The following FHIT variants were observed in gnomAD, a reference collection of about 807,000 sequenced individuals.
FHIT encodes the protein bis(5'-adenosyl)-triphosphatase.
A neutral mutation model predicts 17.9 loss-of-function variants in FHIT; 19 were observed. The observed-to-expected ratio is 1.06, with a 90% CI of 0.74 to 1.56. The LOEUF (loss-of-function observed/expected upper bound fraction) is 1.56, where lower values mean the gene tolerates loss of function less well. Ranked by LOEUF, FHIT falls within the 40% of genes most tolerant of loss-of-function variation. The pLI, the probability that FHIT is intolerant of heterozygous loss-of-function variation, is 0.00. For missense variants in FHIT, 248 were observed against 189.2 expected, an observed-to-expected ratio of 1.31 and a Z score of -1.82; for synonymous variants, 81 against 69.7, an observed-to-expected ratio of 1.16 and a Z score of -0.81.
intron 7 of FHIT, among the ~76,000 whole-genome samples, chr3:59,937,521 A>G (rs941577867): frequency 2.0e-5 from 3 of 152,158 alleles, no homozygotes; most frequent in African/African-American, 7.2e-5. Context: ...AGTGTGAATA[A>G]ATATCTCTGG....
At chr3:60,781,674 A>C (rs2108096681) in intron 4 of FHIT, among the ~76,000 whole-genome samples, 1 of 152,286 alleles carries the variant, frequency 6.6e-6, no homozygotes, top group East Asian at 1.9e-4. Context: ...TATTGTGAAA[A>C]TATCACAATA....
chr3:61,155,789 A>G (rs1000151183), intron 2 of FHIT, among the ~76,000 whole-genome samples: 2 of 152,202 alleles, frequency 1.3e-5, no homozygotes, highest in African/African-American at 4.8e-5. Context: ...TAAAAGAGAC[A>G]TAAGAGAAAT....
At chr3:59,769,731 ATTTTT>A (rs11352722) in intron 8 of FHIT, among the ~76,000 whole-genome samples, 1 of 129,812 alleles carries the variant, frequency 7.7e-6, no homozygotes, top group South Asian at 2.5e-4. Flanking sequence ...ACTAGTTTTG[ATTTTT>A]TTTTTTTTTT....
chr3:60,545,748 T>C (rs894718800), intron 4 of FHIT, among the ~76,000 whole-genome samples: 1 of 152,238 alleles, frequency 6.6e-6, no homozygotes, highest in African/African-American at 2.4e-5. Context: ...TGAGGCTTCC[T>C]GACTCATTGA....
chr3:60,332,414 C>T (rs977970493), intron 5 of FHIT, among the ~76,000 whole-genome samples: 1 of 152,272 alleles, frequency 6.6e-6, no homozygotes, highest in African/African-American at 2.4e-5. Context: ...GAGGAAAATT[C>T]GAGCAGACAG....
At chr3:60,271,800 C>A (rs189028533) in intron 5 of FHIT, among the ~76,000 whole-genome samples, 2 of 152,304 alleles carry the variant, frequency 1.3e-5, no homozygotes, top group East Asian at 3.9e-4. Context: ...ATGCCTGGCA[C>A]AGAGCTAATA....
At position 60,439,655 on chromosome 3, in the gene FHIT, G is replaced by T. The variant is rs115051067; in HGVS notation, c.103+97205C>A. 5.4e-3 allele frequency among the ~76,000 whole-genome samples: 815 copies of T among 152,184 alleles called. 9 individuals carry two copies. Among genetic ancestry groups the T allele is most frequent in the African/African-American group, 0.019 (784 of 41,536 alleles). On this transcript the variant is annotated intron_variant, in intron 5 of 9. Coordinates refer to ENST00000492590, the MANE Select transcript of FHIT (RefSeq NM_002012.4). The stretch of plus-strand genomic sequence containing the variant: ...ATACCAGAACAGCAGCCTGGGAAAA[G>T]AGCAAGTAACACTCACTTCTCTCTG...
intron 4 of FHIT, among the ~76,000 whole-genome samples, chr3:60,691,005 G>A (rs1425167189): frequency 6.6e-6 from 1 of 152,076 alleles, no homozygotes; most frequent in African/African-American, 2.4e-5. Flanking sequence ...TTGTTTGCCT[G>A]TGTGTGTGAA....
At chr3:60,688,735 G>A (rs2040918128) in intron 4 of FHIT, among the ~76,000 whole-genome samples, 1 of 151,950 alleles carries the variant, frequency 6.6e-6, no homozygotes, top group Non-Finnish European at 1.5e-5. Context: ...TCCGGCCATG[G>A]TCAAATTATC....
At chr3:60,190,192 G>T (rs1057063931) in intron 5 of FHIT, among the ~76,000 whole-genome samples, 1 of 152,134 alleles carries the variant, frequency 6.6e-6, no homozygotes, top group Non-Finnish European at 1.5e-5. Context: ...ATTGACTGAT[G>T]ACATCACAGA....
At chr3:60,771,346 C>T (rs1700034078) in intron 4 of FHIT, among the ~76,000 whole-genome samples, 1 of 152,196 alleles carries the variant, frequency 6.6e-6, no homozygotes, top group African/African-American at 2.4e-5. Flanking sequence ...TTGAGTTACA[C>T]TTTGCATATC....
At chr3:60,521,931 T>C (rs1245613327) in intron 5 of FHIT, among the ~76,000 whole-genome samples, 1 of 152,042 alleles carries the variant, frequency 6.6e-6, no homozygotes, top group East Asian at 1.9e-4. Flanking sequence ...ATCATTTCCA[T>C]GGTTTGAGTT....
chr3:61,167,061 A>T (rs1162052108), intron 2 of FHIT: 2 of 152,164 alleles, frequency 1.3e-5, no homozygotes, highest in South Asian at 4.1e-4. Flanking sequence ...AAAAACACAA[A>T]CAAGCATATC....
intron 4 of FHIT, among the ~76,000 whole-genome samples, chr3:60,620,644 G>T (rs1487983942): frequency 6.6e-6 from 1 of 152,034 alleles, no homozygotes; most frequent in African/African-American, 2.4e-5. Context: ...GGGCTCAGAG[G>T]AGGGGGAGGG....
intron 5 of FHIT, among the ~76,000 whole-genome samples, chr3:60,491,891 T>C (rs1254496911): frequency 1.3e-5 from 2 of 152,194 alleles, no homozygotes; most frequent in Non-Finnish European, 2.9e-5. Flanking sequence ...ATTTAATATT[T>C]GTATTTAGAA....
intron 5 of FHIT, among the ~76,000 whole-genome samples, chr3:60,426,045 A>G (rs549110952): frequency 3.5e-4 from 53 of 152,272 alleles, no homozygotes; most frequent in Non-Finnish European, 6.3e-4. Context: ...CAACAGAACC[A>G]TGTAGAAAAG....
At chr3:60,815,983 A>G (rs558938556) in intron 4 of FHIT, among the ~76,000 whole-genome samples, 1 of 151,676 alleles carries the variant, frequency 6.6e-6, no homozygotes, top group South Asian at 2.1e-4. Context: ...TATTTTATAT[A>G]CTTCTATTTT....
intron 5 of FHIT, among the ~76,000 whole-genome samples, chr3:60,502,044 T>C (rs1364533973): frequency 6.6e-6 from 1 of 152,228 alleles, no homozygotes; most frequent in East Asian, 1.9e-4. Flanking sequence ...AAAGAAGCAA[T>C]CAAGGGGGTC....
At chr3:60,758,423 T>C (rs1553718856) in intron 4 of FHIT, among the ~76,000 whole-genome samples, 1 of 152,266 alleles carries the variant, frequency 6.6e-6, no homozygotes, top group Non-Finnish European at 1.5e-5. Context: ...AAGATACTAT[T>C]TTGACACGTT....
Sources: gnomAD v4.1 joint callset for allele counts (sites outside exome capture counted in the v4.1 genomes callset) on GRCh38, gnomAD v4.1.1 for gene constraint, MANE v1.5 for transcripts, NCBI Gene and HGNC (gene_info 2026-07-23, HGNC 2026-07-21) for gene names.